The following EIF4A1 variants were observed in gnomAD, a reference collection of about 807,000 sequenced individuals.
EIF4A1 encodes eukaryotic initiation factor 4A-I.
EIF4A1 carries 11 observed loss-of-function variants against 53.5 expected under a neutral mutation model. That is an observed-to-expected ratio of 0.21 (90% confidence interval 0.13 to 0.34). EIF4A1 has a LOEUF of 0.34. EIF4A1 is among the 10% of genes least tolerant of loss of function. The probability of loss-of-function intolerance (pLI) is 1.00; values close to 1 mark genes in which losing one functional copy is unlikely to be tolerated. For missense variants in EIF4A1, 213 were observed against 530.8 expected, an observed-to-expected ratio of 0.40 and a Z score of 5.88; for synonymous variants, 237 against 186.7, an observed-to-expected ratio of 1.27 and a Z score of -2.20.
chr17:7,576,319 C>G, intron 4 of EIF4A1: 1 of 532,416 alleles, frequency 1.9e-6, no homozygotes. Flanking sequence ...AGGAACCAGA[C>G]TGAGTTGAAA....
chr17:7,576,715 C>T (rs1284284757), intron 5 of EIF4A1, 23 bp downstream of exon 5: 2 of 1,583,028 alleles, frequency 1.3e-6, no homozygotes, highest in Admixed American at 1.8e-5. Flanking sequence ...GTTCTCCAAT[C>T]CCCTGGGTCA....
At chr17:7,573,911 G>A (rs1313140145) in intron 1 of EIF4A1, 1 of 251,116 alleles carries the variant, frequency 4.0e-6, no homozygotes, top group African/African-American at 2.3e-5. Context: ...TGCTGCGGTG[G>A]GAGGTGCACG....
Position 7,574,245 on chromosome 17 carries a change from G to A in EIF4A1, c.24-15G>A. 1.9e-6 allele frequency: 3 copies of A among 1,614,124 alleles called. No individual in the cohort carries two copies. Among genetic ancestry groups the A allele is most frequent in the Non-Finnish European group, 2.5e-6 (3 of 1,180,032 alleles). On this transcript the variant is annotated splice_polypyrimidine_tract_variant and intron_variant, in intron 1 of 10. Transcript: ENST00000293831. ...CGGTCGGGCAGGGGACAAAACTTATGCTTTAAACCAACAGATCCAGAGACA... is the reference window on the plus strand; with the variant it reads ...CGGTCGGGCAGGGGACAAAACTTATACTTTAAACCAACAGATCCAGAGACA...
intron 1 of EIF4A1, chr17:7,574,004 C>A: frequency 2.0e-6 from 1 of 508,358 alleles, no homozygotes; most frequent in Non-Finnish European, 3.5e-6. Context: ...CGCGGCGGCA[C>A]GCCTGCCGGC....
intron 10 of EIF4A1, 21 bp from the exon 11 acceptor site, chr17:7,578,321 A>C (rs777646298): frequency 6.2e-7 from 1 of 1,612,792 alleles, no homozygotes; most frequent in South Asian, 1.1e-5. Context: ...GATATTCCTC[A>C]TCCCCTTCCT....
In EIF4A1 at chr17:7,577,996, C is replaced by T. The variant is rs200487484; in HGVS notation, c.996+80C>T. On this transcript the variant is annotated intron_variant, in intron 9 of 10. Transcript: ENST00000293831. The surrounding 1 kb of genome is among the most constrained non-coding windows in gnomAD (Gnocchi z 4.7). ...TCTCCAAGGGGACATCAGTGCCTCT[C>T]AGGAAAGTAGCAGCTTGGAATAGAA... 4.4e-6 allele frequency: 7 copies of T among 1,592,320 alleles called. No individual in the cohort carries two copies. Among genetic ancestry groups the T allele is most frequent in the Non-Finnish European group, 4.3e-6 (5 of 1,160,470 alleles).
rs933865710 is a variant in EIF4A1 at position 7,575,036 on chromosome 17, C to T, written c.206-83C>T. On this transcript the variant is annotated intron_variant, in intron 3 of 10. Transcript: ENST00000293831. ...CATGAAATGCTTGGTTCATTGGTTG[C>T]TTATTGACCTCATTAACCTAGGACT... 5.8e-6 allele frequency: 9 copies of T among 1,557,830 alleles called. No individual in the cohort carries two copies. In the Admixed American group the frequency reaches 1.2e-4, roughly 21 times the overall value.
In EIF4A1 at chr17:7,578,700, CAA is replaced by C. The variant is rs575255819; in HGVS notation, c.*229_*230del. The C allele has an allele frequency of 0.019, 4,590 of 246,734 alleles. No homozygotes were observed. The highest frequency in any genetic ancestry group is 0.033 in the East Asian group (476 of 14,274). The allele number at this position is 246,734 out of a possible 1,614,324, so 15.3% of individuals were successfully genotyped here. ...TTGCCCCAGGCGCCGGCTCTTCTCC[CAA>C]AAAAAAAAAAAAAACACTAATCCAT... is the stretch of plus-strand genomic sequence containing the variant. On this transcript the variant is annotated 3_prime_UTR_variant, in exon 11 of 11. Coordinates refer to ENST00000293831, the MANE Select transcript of EIF4A1 (RefSeq NM_001416.4).
chr17:7,577,674 A>T lies in EIF4A1; in HGVS notation c.874A>T (p.Met292Leu), dbSNP rs1317590696. ...RRKVDWLTEK[M>L]HARDFTVSAM... The stretch of plus-strand genomic sequence containing the variant: ...GAAGGTGGACTGGCTCACCGAGAAG[A>T]TGCATGCTCGAGATTTCACTGTATC... Residue 292 changes from methionine to leucine, a missense_variant, in exon 8 of 11, where the codon ATG becomes TTG. Physicochemically the swap from Met to Leu is conservative, Grantham distance 15. This residue lies in a region of EIF4A1 where 119 missense variants were observed against 351.0 expected (regional missense o/e 0.34). Transcript: ENST00000293831. The surrounding 1 kb of genome is among the most constrained non-coding windows in gnomAD (Gnocchi z 4.7). The T allele has an allele frequency of 6.2e-7, 1 of 1,612,596 alleles. No individual in the cohort carries two copies. Among genetic ancestry groups the T allele is most frequent in the Non-Finnish European group, 8.5e-7 (1 of 1,179,894 alleles).
In EIF4A1 at chr17:7,575,056, A is replaced by G; in HGVS notation, c.206-63A>G. ...GGTTGCTTATTGACCTCATTAACCTAGGACTTGAATATCCCAAAGGGTATG... is the reference window on the plus strand; with the variant it reads ...GGTTGCTTATTGACCTCATTAACCTGGGACTTGAATATCCCAAAGGGTATG... On this transcript the variant is annotated intron_variant, in intron 3 of 10. Transcript: ENST00000293831. 8 of 1,597,274 alleles carry G rather than the reference A, an allele frequency of 5.0e-6. No individual in the cohort carries two copies. In the South Asian group the frequency reaches 6.7e-5, roughly 13 times the overall value.
At chr17:7,572,934 G>T in intron 1 of EIF4A1, 70 bp downstream of exon 1, 1 of 1,613,682 alleles carries the variant, frequency 6.2e-7, no homozygotes, top group Non-Finnish European at 8.5e-7. Flanking sequence ...CCCGCCGGGG[G>T]TAGCTGAGAG....
At chr17:7,574,503 A>G (rs772640486) in intron 2 of EIF4A1, 43 bp from the exon 3 acceptor site, 6 of 1,612,304 alleles carry the variant, frequency 3.7e-6, no homozygotes, top group African/African-American at 2.7e-5. Flanking sequence ...GCTCAGCTCC[A>G]CCTTTTCCAT....
chr17:7,576,329 A>T (rs1263617929), intron 4 of EIF4A1, 195 bp from the exon 5 acceptor site: 1 of 582,370 alleles, frequency 1.7e-6, no homozygotes, highest in Non-Finnish European at 2.8e-6. Flanking sequence ...CTGAGTTGAA[A>T]TCCTGTCTTT....
chr17:7,578,600 T>C lies in EIF4A1; in HGVS notation c.*114T>C. 8.0e-7 allele frequency: 1 copy of C among 1,248,050 alleles called. No individual in the cohort carries two copies. The highest frequency in any genetic ancestry group is 1.0e-6 in the Non-Finnish European group (1 of 953,628). The allele number at this position is 1,248,050 out of a possible 1,614,324, so 77.3% of individuals were successfully genotyped here. A position where few individuals can be genotyped will look rare whatever the true frequency, so the allele number is the denominator to read the frequency against. On this transcript the variant is annotated 3_prime_UTR_variant, in exon 11 of 11. Coordinates refer to ENST00000293831, the MANE Select transcript of EIF4A1 (RefSeq NM_001416.4). ...TGGACATCTTGTCATTTTTTTTCTT[T>C]GAATAAATGTCACTTTTTGAGGCAA... is the stretch of plus-strand genomic sequence containing the variant.
At chr17:7,574,400 T>C (rs1467975698) in intron 2 of EIF4A1, 92 bp downstream of exon 2, 9 of 1,607,874 alleles carry the variant, frequency 5.6e-6, no homozygotes, top group Non-Finnish European at 6.8e-6. Flanking sequence ...TCCCAGATCA[T>C]CTAGAAGCAG....
rs2071423223 is a variant in EIF4A1 at position 7,577,933 on chromosome 17, G to A, written c.996+17G>A. On this transcript the variant is annotated intron_variant, in intron 9 of 10. Transcript: ENST00000293831. This position sits in a 1 kb window ranked among gnomAD's most constrained non-coding sequence, Gnocchi z 4.7. ...GACCTGCTGGTGAGTAGAGGGAACT[G>A]ATAGCAAAGGCAGAAGGGAGGATCC... is the stretch of plus-strand genomic sequence containing the variant. 6.2e-7 allele frequency: 1 copy of A among 1,614,090 alleles called. No homozygotes were observed. Among genetic ancestry groups the A allele is most frequent in the Admixed American group, 1.7e-5 (1 of 60,014 alleles).
rs1187137714 is a variant in EIF4A1, at chr17:7,577,427, C to A, written c.708C>A (p.Val236=). ...KFMRDPIRIL[V]KKEELTLEGI... is the part of the protein sequence containing the mutation. The stretch of plus-strand genomic sequence containing the variant: ...TGAGGGACCCCATTCGGATTCTTGT[C>A]AAGAAGGAAGAGTTGACCCTGGAGG... Residue 236 remains valine (V), a synonymous_variant, in exon 7 of 11, where the codon GTC becomes GTA. Transcript: ENST00000293831. This position sits in a 1 kb window ranked among gnomAD's most constrained non-coding sequence, Gnocchi z 4.7. The A allele has an allele frequency of 6.8e-6, 11 of 1,614,018 alleles. No homozygotes were observed. Among genetic ancestry groups the A allele is most frequent in the Non-Finnish European group, 9.3e-6 (11 of 1,180,012 alleles).
rs2071340799 is a variant in EIF4A1 at position 7,572,854 on chromosome 17, C to G, written c.13C>G (p.Gln5Glu). 2.5e-6 allele frequency: 4 copies of G among 1,614,142 alleles called. No homozygotes were observed. Among genetic ancestry groups the G allele is most frequent in the Admixed American group, 1.7e-5 (1 of 60,012 alleles). MSAS[Q>E]DSRSRDNGPD... ...GTTTCTAAGGATCATGTCTGCGAGC[C>G]AGGATTCCCGGTAAGAAAGGCATTT... Residue 5 changes from glutamine (Q) to glutamate (E), a missense_variant, in exon 1 of 11, where the codon CAG (glutamine) becomes GAG (glutamate). Gln to Glu is a conservative substitution (Grantham distance 29). Coordinates refer to ENST00000293831, the MANE Select transcript of EIF4A1 (RefSeq NM_001416.4).
chr17:7,573,198 A>AG, intron 1 of EIF4A1: 1 of 502,922 alleles, frequency 2.0e-6, no homozygotes, highest in Non-Finnish European at 3.6e-6. Context: ...GGCCGCCACT[A>AG]TGTGTGGCCC....
Sources: gnomAD v4.1 joint callset for allele counts on GRCh38, gnomAD v4.1.1 for gene constraint, gnomAD v4.1.1 regional missense constraint, Gnocchi (gnomAD v3.1) non-coding constraint, MANE v1.5 for transcripts, NCBI Gene and HGNC (gene_info 2026-07-23, HGNC 2026-07-21) for gene names.